ZNF438: variants seen among roughly 807,000 people sequenced by gnomAD.
The protein encoded by ZNF438 is zinc finger protein 438.
A neutral mutation model predicts 38.0 loss-of-function variants in ZNF438; 25 were observed. The observed-to-expected ratio is 0.66, with a 90% CI of 0.48 to 0.92. The LOEUF (loss-of-function observed/expected upper bound fraction) is 0.92. Among genes scored for constraint, ZNF438 ranks in the 40% least tolerant of loss-of-function variants. ZNF438 has a pLI of 0.00. For synonymous variants in ZNF438, 372 were observed against 364.1 expected, an observed-to-expected ratio of 1.02 and a Z score of -0.25; for missense variants, 1,007 against 999.6, an observed-to-expected ratio of 1.01 and a Z score of -0.10.
intron 3 of ZNF438, among the ~76,000 whole-genome samples, chr10:30,879,669 T>C (rs2038942959): frequency 6.6e-6 from 1 of 152,046 alleles, no homozygotes; most frequent in South Asian, 2.1e-4. Flanking sequence ...CTATAATGTA[T>C]AAGATGAAAA....
chr10:31,021,669 G>T (rs973460979), intron 1 of ZNF438, among the ~76,000 whole-genome samples: 4 of 151,962 alleles, frequency 2.6e-5, no homozygotes, highest in Non-Finnish European at 5.9e-5. Context: ...AAATTCCAGC[G>T]ATTTTCTTAT....
At chr10:30,958,154 T>G (rs2049075565) in intron 1 of ZNF438, among the ~76,000 whole-genome samples, 1 of 146,346 alleles carries the variant, frequency 6.8e-6, no homozygotes, top group African/African-American at 2.4e-5. Context: ...GCTGATCTCC[T>G]CCCTATTCAC....
chr10:30,968,240 T>C (rs1243534429), intron 1 of ZNF438, among the ~76,000 whole-genome samples: 3 of 152,026 alleles, frequency 2.0e-5, no homozygotes, highest in African/African-American at 4.8e-5. Flanking sequence ...GTGGCTCCTA[T>C]AAAGCTGACC....
chr10:30,921,162 A>G (rs1299340867), intron 2 of ZNF438: 2 of 152,208 alleles, frequency 1.3e-5, no homozygotes, highest in Non-Finnish European at 2.9e-5. Flanking sequence ...GGGTATCATG[A>G]TAACTTATTG....
intron 1 of ZNF438, among the ~76,000 whole-genome samples, chr10:30,987,551 T>A (rs1037009598): frequency 3.3e-5 from 5 of 152,194 alleles, no homozygotes; most frequent in African/African-American, 1.2e-4. Context: ...ATTCTTATGC[T>A]GAAGCCCTAA....
chr10:30,944,561 T>G (rs2047163000), intron 1 of ZNF438, among the ~76,000 whole-genome samples: 1 of 152,204 alleles, frequency 6.6e-6, no homozygotes, highest in Admixed American at 6.5e-5. Flanking sequence ...TCTAGACACA[T>G]TCAAGGACTT....
intron 4 of ZNF438, among the ~76,000 whole-genome samples, chr10:30,873,004 GTTTTCT>G (rs1463906113): frequency 6.6e-6 from 1 of 152,188 alleles, no homozygotes; most frequent in Non-Finnish European, 1.5e-5. Context: ...ACCTGTATGA[GTTTTCT>G]TATATGGGAA....
chr10:30,958,604 T>A (rs1185592396), intron 1 of ZNF438, among the ~76,000 whole-genome samples: 1 of 147,084 alleles, frequency 6.8e-6, no homozygotes, highest in Non-Finnish European at 1.5e-5. Flanking sequence ...AGGGGACAGT[T>A]CAATGACGTT....
chr10:30,972,995 CAG>C (rs1777471726), intron 1 of ZNF438, among the ~76,000 whole-genome samples: 1 of 152,166 alleles, frequency 6.6e-6, no homozygotes, highest in Admixed American at 6.5e-5. Context: ...CAGCTGAATA[CAG>C]AAAGCACATG....
intron 1 of ZNF438, among the ~76,000 whole-genome samples, chr10:30,948,305 CAG>C (rs2047701511): frequency 6.6e-6 from 1 of 152,104 alleles, no homozygotes; most frequent in Non-Finnish European, 1.5e-5. Flanking sequence ...GGGGAAAAAA[CAG>C]AACAGAAAAA....
At chr10:30,975,118 T>C (rs1320992946) in intron 1 of ZNF438, among the ~76,000 whole-genome samples, 1 of 152,192 alleles carries the variant, frequency 6.6e-6, no homozygotes, top group African/African-American at 2.4e-5. Context: ...GACAGCATTG[T>C]TTTCTTAAAG....
At chr10:30,970,555 T>C (rs2050631584) in intron 1 of ZNF438, among the ~76,000 whole-genome samples, 1 of 152,192 alleles carries the variant, frequency 6.6e-6, no homozygotes, top group Non-Finnish European at 1.5e-5. Context: ...CACTAACAGC[T>C]CTTTATTTTG....
At chr10:31,021,061 T>C (rs1412392822) in intron 1 of ZNF438, among the ~76,000 whole-genome samples, 1 of 150,608 alleles carries the variant, frequency 6.6e-6, no homozygotes, top group East Asian at 1.9e-4. Context: ...CAACTTTTTT[T>C]TTTTTTTTTT....
intron 1 of ZNF438, among the ~76,000 whole-genome samples, chr10:30,993,151 C>T (rs1043375899): frequency 6.6e-6 from 1 of 152,220 alleles, no homozygotes; most frequent in Non-Finnish European, 1.5e-5. Flanking sequence ...TGTGGCCTAG[C>T]AACCATTTGC....
chr10:30,857,848 A>G, intron 4 of ZNF438: 1 of 1,027,540 alleles, frequency 9.7e-7, no homozygotes, highest in East Asian at 2.9e-5. Context: ...CTAGGTGCCA[A>G]TGTCTTACCC....
chr10:30,957,160 CAT>C lies in ZNF438; in HGVS notation c.-191-15511_-191-15510del, dbSNP rs1449927990. On this transcript the variant is annotated intron_variant, in intron 1 of 5. Coordinates refer to ENST00000413025, the Ensembl canonical transcript of ZNF438. ...GATGTAGTGATGTTGAACATTTTTTCATATGTCTGTTGCCATTTGCATGTCTT... is the reference window on the plus strand; with the variant it reads ...GATGTAGTGATGTTGAACATTTTTTCATGTCTGTTGCCATTTGCATGTCTT... Among the ~76,000 whole-genome samples the C allele has an allele frequency of 6.6e-5, 10 of 152,222 alleles. No individual in the cohort carries two copies. In the South Asian group the frequency reaches 2.1e-3, roughly 32 times the overall value.
chr10:30,929,198 T>C (rs563768632), intron 2 of ZNF438, among the ~76,000 whole-genome samples: 7 of 152,290 alleles, frequency 4.6e-5, no homozygotes, highest in African/African-American at 1.7e-4. Context: ...CAAGACTGTG[T>C]CTGAAATTGG....
chr10:30,929,095 G>A (rs141664772), intron 2 of ZNF438, among the ~76,000 whole-genome samples: 51 of 152,288 alleles, frequency 3.3e-4, no homozygotes, highest in African/African-American at 1.2e-3. Context: ...GATTTTAATA[G>A]AAGAAAGCAG....
At chr10:30,929,267 C>G (rs2135215458) in intron 2 of ZNF438, among the ~76,000 whole-genome samples, 1 of 152,300 alleles carries the variant, frequency 6.6e-6, no homozygotes, top group East Asian at 1.9e-4. Context: ...GTGAGTGTTA[C>G]AGTTCTTACA....
Sources: gnomAD v4.1 joint callset for allele counts (sites outside exome capture counted in the v4.1 genomes callset) on GRCh38, gnomAD v4.1.1 for gene constraint, MANE v1.5 for transcripts, NCBI Gene and HGNC (gene_info 2026-07-23, HGNC 2026-07-21) for gene names.